Variants in SMAD3 observed in about 807,000 individuals in gnomAD.
SMAD3 encodes the protein MAD homolog 3.
SMAD3 carries 12 observed loss-of-function variants against 51.8 expected under a neutral mutation model. The ratio of observed to expected loss-of-function variants is 0.23; its 90% CI spans 0.15 to 0.38. SMAD3 has a LOEUF of 0.38. Among genes scored for constraint, SMAD3 ranks in the 10% least tolerant of loss-of-function variants. SMAD3 has a pLI of 1.00. For missense variants in SMAD3, 294 were observed against 565.6 expected (o/e 0.52, Z 4.87); for synonymous variants, 238 against 227.7 (o/e 1.05, Z -0.41).
At chr15:67,152,348 A>G (rs1212504681) in intron 1 of SMAD3, among the ~76,000 whole-genome samples, 1 of 97,388 alleles carries the variant, frequency 1.0e-5, no homozygotes, top group Admixed American at 1.1e-4. Flanking sequence ...TGATTCCCCA[A>G]AGTAGTTTGG....
chr15:67,165,742 G>C (rs528009468), intron 3 of SMAD3, among the ~76,000 whole-genome samples: 51 of 152,342 alleles, frequency 3.3e-4, no homozygotes, highest in Non-Finnish European at 2.4e-4. Flanking sequence ...CTGCAGAGGC[G>C]GGGAGTGAGC....
intron 1 of SMAD3, chr15:67,077,842 A>C (rs1960203470): frequency 6.6e-6 from 1 of 152,458 alleles, no homozygotes; most frequent in African/African-American, 2.4e-5. Context: ...GTGGCCAGAG[A>C]GGAGTTGGAG....
At chr15:67,143,114 T>G in intron 1 of SMAD3, 1 of 204,666 alleles carries the variant, frequency 4.9e-6, no homozygotes, top group South Asian at 5.6e-5. Context: ...TGATGAATAG[T>G]TGTTATGAGC....
At chr15:67,098,376 A>AAGCCAGCC (rs10665293) in intron 1 of SMAD3, among the ~76,000 whole-genome samples, 2 of 149,898 alleles carry the variant, frequency 1.3e-5, no homozygotes, top group African/African-American at 2.4e-5. Flanking sequence ...GCAAGCAAGC[A>AAGCCAGCC]AGCCAGCAGG....
At chr15:67,088,826 C>G (rs1366406687) in intron 1 of SMAD3, among the ~76,000 whole-genome samples, 1 of 152,126 alleles carries the variant, frequency 6.6e-6, no homozygotes, top group African/African-American at 2.4e-5. Context: ...ACTCAGGAGG[C>G]TGAGGCAGGA....
At chr15:67,131,390 C>G (rs755173822) in intron 1 of SMAD3, among the ~76,000 whole-genome samples, 3 of 152,172 alleles carry the variant, frequency 2.0e-5, no homozygotes, top group Non-Finnish European at 2.9e-5. Flanking sequence ...TGAGTTGTTT[C>G]TATTTGCCAG....
intron 1 of SMAD3, among the ~76,000 whole-genome samples, chr15:67,102,387 A>G (rs1051773548): frequency 6.6e-5 from 10 of 152,142 alleles, no homozygotes; most frequent in Admixed American, 3.3e-4. Context: ...TGTTATGTTC[A>G]TACACATACA....
intron 1 of SMAD3, among the ~76,000 whole-genome samples, chr15:67,160,335 CTAA>C (rs1962392098): frequency 6.6e-6 from 1 of 152,214 alleles, no homozygotes; most frequent in Non-Finnish European, 1.5e-5. Context: ...TGTAGCCATT[CTAA>C]TAAGTATGTA....
chr15:67,184,900 C>A (rs1366764012), intron 7 of SMAD3, 36 bp downstream of exon 7: 1 of 1,611,796 alleles, frequency 6.2e-7, no homozygotes, highest in African/African-American at 1.3e-5. Flanking sequence ...GCCTTGAGGT[C>A]CCTCTCCGAG....
intron 1 of SMAD3, among the ~76,000 whole-genome samples, chr15:67,141,867 T>G (rs1312222515): frequency 1.3e-5 from 2 of 152,048 alleles, no homozygotes; most frequent in Non-Finnish European, 1.5e-5. Flanking sequence ...ATACAAACTC[T>G]AAGTTGAGGC....
intron 1 of SMAD3, chr15:67,125,625 G>A (rs1444757226): frequency 2.7e-6 from 2 of 727,574 alleles, no homozygotes; most frequent in African/African-American, 3.8e-5. Flanking sequence ...CATCCAGAGT[G>A]CGTGGTGTTT....
rs558459191 is a variant in SMAD3, at chr15:67,070,784, C to A, written c.206+4424C>A. ...GGCATCTGTTTTTTTCTGAAAAAAA[C>A]ACAAAATTCAGGTCCTGTACCTGCC... is the stretch of plus-strand genomic sequence containing the variant. On this transcript the variant is annotated intron_variant, in intron 1 of 8. Transcript: ENST00000327367. Among the ~76,000 whole-genome samples, 3 of 151,572 alleles carry A rather than the reference C, an allele frequency of 2.0e-5. No homozygotes were observed. In the South Asian group the frequency reaches 6.3e-4, roughly 32 times the overall value.
chr15:67,067,415 C>CTTTGATG (rs1959951226), intron 1 of SMAD3, among the ~76,000 whole-genome samples: 1 of 152,176 alleles, frequency 6.6e-6, no homozygotes, highest in Admixed American at 6.5e-5. Context: ...TACCTCTCAG[C>CTTTGATG]CTCCTTTGAT....
At chr15:67,125,762 T>C (rs1168826643) in intron 1 of SMAD3, 1 of 985,632 alleles carries the variant, frequency 1.0e-6, no homozygotes, top group Non-Finnish European at 1.2e-6. Context: ...AGGAGCCTGC[T>C]GCTGAGTTCA....
At chr15:67,184,993 T>A (rs1567002197) in intron 7 of SMAD3, 129 bp downstream of exon 7, 1 of 1,232,356 alleles carries the variant, frequency 8.1e-7, no homozygotes, top group East Asian at 2.4e-5. Context: ...TGGAGGTGAT[T>A]GGATTAGGTT....
At position 67,166,863 on chromosome 15, in the gene SMAD3, G is replaced by T; in HGVS notation, c.607+10G>T. 6.3e-7 allele frequency: 1 copy of T among 1,575,078 alleles called. No individual in the cohort carries two copies. The highest frequency in any genetic ancestry group is 1.7e-4 in the Middle Eastern group (1 of 6,018). On this transcript the variant is annotated intron_variant, in intron 4 of 8. Transcript: ENST00000327367. ...CACAGCATGGACGCAGGTCAGTCAT[G>T]CAGGGTCATGCTCTTATTCTTAACT...
In SMAD3 at chr15:67,179,160, G is replaced by A. The variant is rs374993746; in HGVS notation, c.659-2081G>A. Among the ~76,000 whole-genome samples the A allele has an allele frequency of 2.6e-5, 4 of 152,206 alleles. No individual in the cohort carries two copies. In the East Asian group the frequency reaches 7.7e-4, roughly 29 times the overall value. ...TGGTTTGCTCGCAGTTGCATGTCTA[G>A]TCTGTGCCTGAGCCAAGATTGACCT... On this transcript the variant is annotated intron_variant, in intron 5 of 8. Transcript: ENST00000327367.
chr15:67,150,620 A>G (rs1962105773), intron 1 of SMAD3, among the ~76,000 whole-genome samples: 1 of 152,174 alleles, frequency 6.6e-6, no homozygotes, highest in African/African-American at 2.4e-5. Context: ...AAGAGGGCAG[A>G]GAGAGGATAC....
At chr15:67,147,764 C>T (rs965418166) in intron 1 of SMAD3, among the ~76,000 whole-genome samples, 52 of 152,204 alleles carry the variant, frequency 3.4e-4, no homozygotes, top group Admixed American at 3.4e-3. Flanking sequence ...AGTAATTCTG[C>T]AGCCTCCCTC....
Sources: gnomAD v4.1 joint callset for allele counts (sites outside exome capture counted in the v4.1 genomes callset) on GRCh38, gnomAD v4.1.1 for gene constraint, MANE v1.5 for transcripts, NCBI Gene and HGNC (gene_info 2026-07-23, HGNC 2026-07-21) for gene names.